The following NLE1 variants were observed in gnomAD, a reference collection of about 807,000 sequenced individuals.
NLE1 encodes notchless homolog 1, also known as notchless protein homolog 1.
Under a neutral mutation model 62.8 loss-of-function variants are expected in NLE1, and 37 were observed. The observed-to-expected ratio is 0.59, with a 90% confidence interval of 0.45 to 0.78. The LOEUF (loss-of-function observed/expected upper bound fraction) is 0.78, where lower values mean the gene tolerates loss of function less well. Among genes scored for constraint, NLE1 ranks in the 30% least tolerant of loss-of-function variants. The pLI is 0.00. For missense variants in NLE1, 555 were observed against 637.9 expected, an observed-to-expected ratio of 0.87 and a Z score of 1.40; for synonymous variants, 243 against 253.0, an observed-to-expected ratio of 0.96 and a Z score of 0.37.
chr17:35,133,396 C>T lies in NLE1; in HGVS notation c.1317G>A (p.Lys439=). Residue 439 remains lysine, a synonymous_variant, in exon 11 of 13, where the codon AAG becomes AAA. Coordinates refer to ENST00000442241, the MANE Select transcript of NLE1 (RefSeq NM_018096.5). ...GCTTCTGGGCCTTCACATCCCACAC[C>T]TTCAGTGTGCTGTCACTGCTGCCGC... ...LVSGSSDSTL[K]VWDVKAQKLA... 1.9e-6 allele frequency: 3 copies of T among 1,614,174 alleles called. No homozygotes were observed. Among genetic ancestry groups the T allele is most frequent in the Non-Finnish European group, 2.5e-6 (3 of 1,180,032 alleles).
At chr17:35,132,509 T>C in intron 12 of NLE1, 60 bp from the exon 13 acceptor site, 1 of 1,295,148 alleles carries the variant, frequency 7.7e-7, no homozygotes, top group Non-Finnish European at 1.0e-6. Context: ...GAGGCCGTCA[T>C]ATAATCCCAG....
In NLE1 at chr17:35,129,304, C is replaced by T; in HGVS notation, c.*3133G>A. ...ACCTTGCACCTTCCATCTGACCTGC[C>T]TGGGCCCCAGCAGGAGCAGGGGATG... On this transcript the variant is annotated 3_prime_UTR_variant, in exon 13 of 13. Transcript: ENST00000442241. 1 of 1,356,208 alleles carries T rather than the reference C, an allele frequency of 7.4e-7. No homozygotes were observed. The allele number at this position is 1,356,208 out of a possible 1,614,324, so 84.0% of individuals were successfully genotyped here.
Position 35,136,320 on chromosome 17 carries a change from C to T in NLE1, c.964+42G>A, listed in dbSNP as rs200254941. The stretch of plus-strand genomic sequence containing the variant: ...CCCCATTAAGCTTGAGAACTGGCTC[C>T]TTCCCAATCAGCCCCCGCTCTTCCT... On this transcript the variant is annotated intron_variant, in intron 8 of 12. Coordinates refer to ENST00000442241, the MANE Select transcript of NLE1 (RefSeq NM_018096.5). 1.9e-6 allele frequency: 3 copies of T among 1,608,000 alleles called. No individual in the cohort carries two copies. The East Asian group carries it at 6.7e-5, about 36-fold the overall frequency.
chr17:35,142,198 A>G, intron 1 of NLE1, 60 bp downstream of exon 1: 1 of 1,587,462 alleles, frequency 6.3e-7, no homozygotes, highest in Admixed American at 1.8e-5. Context: ...CTCAGGCCTC[A>G]GGGACCCGGG....
At chr17:35,133,065 ACCTGGACGGC>A (rs1312008650) in intron 12 of NLE1, 96 bp downstream of exon 12, 1 of 1,113,154 alleles carries the variant, frequency 9.0e-7, no homozygotes, top group East Asian at 2.4e-5. Context: ...CAGTCTGAGC[ACCTGGACGGC>A]CCTGCGGAAT....
rs768245885 is a variant in NLE1, at chr17:35,129,607, T to G, written c.*2830A>C. ...AGCCTAACACGTGTTACTGCCTCAG[T>G]GTCCGTGCAGCCAACACAGCTGGGG... On this transcript the variant is annotated 3_prime_UTR_variant, in exon 13 of 13. Coordinates refer to ENST00000442241, the MANE Select transcript of NLE1 (RefSeq NM_018096.5). The G allele has an allele frequency of 3.7e-6, 6 of 1,613,992 alleles. No homozygotes were observed. Among genetic ancestry groups the G allele is most frequent in the Admixed American group, 3.3e-5 (2 of 60,012 alleles).
Position 35,130,225 on chromosome 17 carries a change from G to A in NLE1, c.*2212C>T. The stretch of plus-strand genomic sequence containing the variant: ...AAAAAAGGGGTGATAGAGACAGAGA[G>A]AGAGCCAGGTTCAGATCTGGGAAGG... On this transcript the variant is annotated 3_prime_UTR_variant, in exon 13 of 13. Coordinates refer to ENST00000442241, the MANE Select transcript of NLE1 (RefSeq NM_018096.5). 5.0e-6 allele frequency: 8 copies of A among 1,586,634 alleles called. No homozygotes were observed. In the South Asian group the frequency reaches 6.8e-5, roughly 14 times the overall value.
chr17:35,136,313 C>G (rs1372727239), intron 8 of NLE1, 49 bp downstream of exon 8: 4 of 1,608,338 alleles, frequency 2.5e-6, no homozygotes, highest in Admixed American at 1.7e-5. Context: ...AGCTTGAGAA[C>G]TGGCTCCTTC....
At chr17:35,141,400 G>C (rs2091942704) in intron 2 of NLE1, among the ~76,000 whole-genome samples, 1 of 152,062 alleles carries the variant, frequency 6.6e-6, no homozygotes, top group South Asian at 2.1e-4. Context: ...ACAAAAATTA[G>C]CTGGGTGTGG....
intron 10 of NLE1, chr17:35,134,885 C>A: frequency 2.7e-6 from 1 of 371,416 alleles, no homozygotes; most frequent in Non-Finnish European, 5.3e-6. Context: ...AACCCCGTCT[C>A]AACTAAAAAT....
At chr17:35,136,097 T>A in intron 9 of NLE1, 72 bp downstream of exon 9, 1 of 1,488,320 alleles carries the variant, frequency 6.7e-7, no homozygotes, top group Non-Finnish European at 9.3e-7. Flanking sequence ...GGGAGAAGGG[T>A]CTGAGAGGGT....
intron 4 of NLE1, among the ~76,000 whole-genome samples, 194 bp downstream of exon 4, chr17:35,139,041 T>C (rs1490426216): frequency 6.6e-6 from 1 of 152,032 alleles, no homozygotes; most frequent in African/African-American, 2.4e-5. Context: ...GAGCCAGGTG[T>C]GATGGCAAGT....
At chr17:35,140,448 C>A (rs776199560) in intron 2 of NLE1, among the ~76,000 whole-genome samples, 8 of 151,956 alleles carry the variant, frequency 5.3e-5, no homozygotes, top group Non-Finnish European at 1.2e-4. Context: ...AGGCTGGTCT[C>A]AAGCTCCTGA....
chr17:35,135,381 T>G lies in NLE1; in HGVS notation c.1082A>C (p.Asp361Ala). 1.2e-6 allele frequency: 2 copies of G among 1,614,136 alleles called. No individual in the cohort carries two copies. Among genetic ancestry groups the G allele is most frequent in the Non-Finnish European group, 1.7e-6 (2 of 1,180,014 alleles). The part of the protein sequence containing the change: ...FTLFLWSPAE[D>A]KKPLTRMTGH... ...TGTCATCCGAGTGAGAGGCTTTTTG[T>G]CCTCTGCTGGGGACCACAGGAATAA... is the stretch of plus-strand genomic sequence containing the variant. Residue 361 changes from aspartate to alanine, a missense_variant, in exon 10 of 13, where the codon GAC becomes GCC. Coordinates refer to ENST00000442241, the MANE Select transcript of NLE1 (RefSeq NM_018096.5).
At chr17:35,136,086 A>G in intron 9 of NLE1, 83 bp downstream of exon 9, 1 of 1,403,988 alleles carries the variant, frequency 7.1e-7, no homozygotes, top group Non-Finnish European at 9.9e-7. Flanking sequence ...TGGGTCTAGA[A>G]GGGAGAAGGG....
chr17:35,133,360 G>A lies in NLE1; in HGVS notation c.1353C>T (p.Asp451=), dbSNP rs2091888808. ...WDVKAQKLAM[D]LPGHADEVYA... ...CTACCTCATCCGCGTGGCCGGGCAGGTCCATGGCCAGCTTCTGGGCCTTCA... is the reference window on the plus strand; with the variant it reads ...CTACCTCATCCGCGTGGCCGGGCAGATCCATGGCCAGCTTCTGGGCCTTCA... Residue 451 remains aspartate (D), a synonymous_variant, in exon 11 of 13, where the codon GAC becomes GAT. Coordinates refer to ENST00000442241, the MANE Select transcript of NLE1 (RefSeq NM_018096.5). 1 of 1,614,188 alleles carries A rather than the reference G, an allele frequency of 6.2e-7. No individual in the cohort carries two copies.
In NLE1 at chr17:35,142,262, A is replaced by G. The variant is rs899749084; in HGVS notation, c.14T>C (p.Val5Ala). The change falls in exon 1 of 13, where the codon GTG becomes GCG. Residue 5 changes from valine (V) to alanine (A), a missense_variant. Transcript: ENST00000442241. The part of the protein sequence containing the change: MAAA[V>A]PDEAVARDVQ... ...CCCCCATCCACGCACACCCACCGGC[A>G]CTGCTGCCGCCATCCTGCGTCCCCA... The G allele has an allele frequency of 3.9e-6, 6 of 1,543,430 alleles. No homozygotes were observed. Among genetic ancestry groups the G allele is most frequent in the African/African-American group, 2.7e-5 (2 of 72,750 alleles).
chr17:35,142,172 G>A (rs977542584), intron 1 of NLE1, 50 bp from the exon 2 acceptor site: 41 of 1,601,882 alleles, frequency 2.6e-5, no homozygotes, highest in Middle Eastern at 3.3e-4. Flanking sequence ...GCCCAGAAGG[G>A]CCCCACTTCG....
chr17:35,135,193 C>T, intron 10 of NLE1, 56 bp downstream of exon 10: 1 of 1,543,072 alleles, frequency 6.5e-7, no homozygotes, highest in Non-Finnish European at 9.0e-7. Context: ...AGTGGCAGTG[C>T]CAAGCCCCTC....
Sources: gnomAD v4.1 joint callset for allele counts (sites outside exome capture counted in the v4.1 genomes callset) on GRCh38, gnomAD v4.1.1 for gene constraint, MANE v1.5 for transcripts, NCBI Gene and HGNC (gene_info 2026-07-23, HGNC 2026-07-21) for gene names.